Variants in PRKCB observed in about 807,000 individuals in gnomAD.
PRKCB encodes protein kinase C beta type.
PRKCB carries 13 observed loss-of-function variants against 81.5 expected under a neutral mutation model. The ratio of observed to expected loss-of-function variants is 0.16; its 90% CI spans 0.10 to 0.25. PRKCB has a LOEUF of 0.25. Ranked by LOEUF, PRKCB falls within the 10% of genes least tolerant of loss-of-function variation. The probability of loss-of-function intolerance (pLI) is 1.00; values close to 1 mark genes in which losing one functional copy is unlikely to be tolerated. For missense variants in PRKCB, 509 were observed against 875.7 expected (o/e 0.58, Z 5.29); for synonymous variants, 335 against 321.4 (o/e 1.04, Z -0.45).
intron 8 of PRKCB, among the ~76,000 whole-genome samples, chr16:24,122,648 C>T (rs183204244): frequency 6.6e-6 from 1 of 152,150 alleles, no homozygotes; most frequent in African/African-American, 2.4e-5. Context: ...TTTGTAGAGA[C>T]AGGGTCTTGT....
At chr16:23,938,187 A>G (rs1172467946) in intron 2 of PRKCB, among the ~76,000 whole-genome samples, 1 of 152,220 alleles carries the variant, frequency 6.6e-6, no homozygotes, top group Non-Finnish European at 1.5e-5. Context: ...ATCTTTCCAA[A>G]GAATAACCCA....
At chr16:23,901,399 A>T (rs1963469877) in intron 2 of PRKCB, among the ~76,000 whole-genome samples, 1 of 152,116 alleles carries the variant, frequency 6.6e-6, no homozygotes, top group Non-Finnish European at 1.5e-5. Context: ...GTATGTCGGC[A>T]TTTAGAGCCT....
chr16:24,217,872 G>A lies in PRKCB; in HGVS notation c.*3056G>A. 4 of 985,400 alleles carry A rather than the reference G, an allele frequency of 4.1e-6. No individual in the cohort carries two copies. Among genetic ancestry groups the A allele is most frequent in the Non-Finnish European group, 4.8e-6 (4 of 829,922 alleles). The allele number at this position is 985,400 out of a possible 1,614,324, so 61.0% of individuals were successfully genotyped here. A position where few individuals can be genotyped will look rare whatever the true frequency, so the allele number is the denominator to read the frequency against. ...CCTTTAGGGGCCCTAACACAGTTCA[G>A]TTCATACAGGGGTTCAAAAGGGACA... On this transcript the variant is annotated 3_prime_UTR_variant, in exon 17 of 17. Coordinates refer to ENST00000643927, the MANE Select transcript of PRKCB (RefSeq NM_002738.7).
chr16:23,877,304 C>T (rs1247420967), intron 2 of PRKCB, among the ~76,000 whole-genome samples: 2 of 152,088 alleles, frequency 1.3e-5, no homozygotes, highest in Non-Finnish European at 2.9e-5. Flanking sequence ...ACTGCTGCAC[C>T]CCAGCCTGGG....
chr16:24,172,821 A>G lies in PRKCB; in HGVS notation c.1331+460A>G, dbSNP rs146803032. On this transcript the variant is annotated intron_variant, in intron 11 of 16. Transcript: ENST00000643927. The stretch of plus-strand genomic sequence containing the variant: ...CCCTGACTGCTTAGAAAGGCCCTAT[A>G]TCTTCCTTGGGGATTATCATTGTAG... Among the ~76,000 whole-genome samples the G allele has an allele frequency of 5.5e-3, 831 of 152,308 alleles. 5 individuals are homozygous for G. The highest frequency in any genetic ancestry group is 0.018 in the African/African-American group (762 of 41,556).
intron 7 of PRKCB, among the ~76,000 whole-genome samples, chr16:24,104,951 T>C (rs916998056): frequency 1.3e-5 from 2 of 152,178 alleles, no homozygotes; most frequent in African/African-American, 2.4e-5. Context: ...TGTCCTCTAG[T>C]TGTGGTGTGG....
intron 2 of PRKCB, among the ~76,000 whole-genome samples, chr16:23,966,384 T>A (rs951302860): frequency 1.3e-5 from 2 of 152,230 alleles, no homozygotes; most frequent in Admixed American, 1.3e-4. Flanking sequence ...TGGTGTGTAA[T>A]CTTGGACAAG....
chr16:23,941,662 C>G (rs567686420), intron 2 of PRKCB, among the ~76,000 whole-genome samples: 4 of 150,598 alleles, frequency 2.7e-5, no homozygotes, highest in Non-Finnish European at 5.9e-5. Context: ...ATCATAGATG[C>G]AAAAAAAAGC....
intron 9 of PRKCB, among the ~76,000 whole-genome samples, chr16:24,141,218 A>T (rs1421876685): frequency 6.6e-6 from 1 of 152,122 alleles, no homozygotes; most frequent in Non-Finnish European, 1.5e-5. Context: ...TTTTTGAGAC[A>T]GAGTCTCCCT....
chr16:23,934,483 T>A (rs1230376237), intron 2 of PRKCB, among the ~76,000 whole-genome samples: 24 of 152,216 alleles, frequency 1.6e-4, no homozygotes, highest in Admixed American at 1.4e-3. Context: ...GAATTAGGAA[T>A]GCTGCCTTCA....
intron 7 of PRKCB, among the ~76,000 whole-genome samples, chr16:24,103,731 C>T (rs1180987629): frequency 6.6e-6 from 1 of 152,110 alleles, no homozygotes; most frequent in African/African-American, 2.4e-5. Flanking sequence ...TCTACAGTTC[C>T]TAGTGTCTGT....
At chr16:24,178,525 G>A (rs1967571097) in intron 12 of PRKCB, among the ~76,000 whole-genome samples, 1 of 152,178 alleles carries the variant, frequency 6.6e-6, no homozygotes, top group Admixed American at 6.5e-5. Flanking sequence ...CGAGCTGAAG[G>A]GTTGTCATTT....
chr16:23,990,653 C>G (rs1486739760), intron 3 of PRKCB, among the ~76,000 whole-genome samples: 2 of 151,486 alleles, frequency 1.3e-5, no homozygotes, highest in East Asian at 3.9e-4. Context: ...GCTCTAGCAA[C>G]CCCCCCACCT....
intron 5 of PRKCB, among the ~76,000 whole-genome samples, chr16:24,059,130 A>C (rs1164333424): frequency 6.6e-6 from 1 of 152,184 alleles, no homozygotes. Context: ...TTTGGGTTGC[A>C]TGGGTGACTG....
intron 9 of PRKCB, among the ~76,000 whole-genome samples, chr16:24,124,371 G>C (rs1013315): frequency 0.091 from 13,865 of 152,178 alleles, 2,090 homozygotes; most frequent in African/African-American, 0.31. Context: ...GGTATAGGAC[G>C]TGATGTTGCA....
At chr16:24,052,454 G>T (rs1965854283) in intron 5 of PRKCB, among the ~76,000 whole-genome samples, 1 of 152,148 alleles carries the variant, frequency 6.6e-6, no homozygotes, top group Non-Finnish European at 1.5e-5. Flanking sequence ...AAGGAATAAA[G>T]CATGGCTACT....
intron 9 of PRKCB, chr16:24,151,910 C>G: frequency 2.2e-6 from 1 of 454,656 alleles, no homozygotes; most frequent in Non-Finnish European, 4.4e-6. Context: ...GGGGGAAATT[C>G]CCAGCCATTC....
chr16:23,836,380 G>A, intron 1 of PRKCB, 32 bp downstream of exon 1: 1 of 1,589,852 alleles, frequency 6.3e-7, no homozygotes, highest in Non-Finnish European at 8.5e-7. Flanking sequence ...ACCTTCCCGG[G>A]CCCCCGAGGG....
At chr16:24,112,904 A>G (rs1229695908) in intron 7 of PRKCB, 69 bp from the exon 8 acceptor site, 5 of 1,128,686 alleles carry the variant, frequency 4.4e-6, no homozygotes, top group South Asian at 2.7e-5. Context: ...CCTCCTTTTC[A>G]TATGCTGATC....
Sources: allele counts gnomAD v4.1 joint callset (sites outside exome capture counted in the v4.1 genomes callset), GRCh38; gene constraint gnomAD v4.1.1; transcripts MANE v1.5; gene names NCBI Gene and HGNC (gene_info 2026-07-23, HGNC 2026-07-21).